Variants in VPS13B observed in about 807,000 individuals in gnomAD.
VPS13B encodes intermembrane lipid transfer protein VPS13B.
Under a neutral mutation model 426.4 loss-of-function variants are expected in VPS13B, and 285 were observed. The observed-to-expected ratio is 0.67, with a 90% CI of 0.61 to 0.74. VPS13B has a LOEUF of 0.74. Among genes scored for constraint, VPS13B ranks in the 30% least tolerant of loss-of-function variants. The pLI is 0.00. For synonymous variants in VPS13B, 1,676 were observed against 1,676.4 expected (o/e 1.00, Z 0.01); for missense variants, 4,537 against 4,782.6 (o/e 0.95, Z 1.51).
chr8:99,411,393 A>G (rs543910230), intron 21 of VPS13B, among the ~76,000 whole-genome samples: 3 of 152,116 alleles, frequency 2.0e-5, no homozygotes, highest in Non-Finnish European at 4.4e-5. Flanking sequence ...TCCTTTGCCC[A>G]CTTTTTGATG....
intron 39 of VPS13B, among the ~76,000 whole-genome samples, chr8:99,754,092 T>TG (rs1264454142): frequency 1.3e-5 from 2 of 151,542 alleles, no homozygotes; most frequent in South Asian, 2.1e-4. Context: ...AGGGTTTTTT[T>TG]TTTTTTTTTT....
intron 35 of VPS13B, among the ~76,000 whole-genome samples, chr8:99,666,133 A>C (rs925142554): frequency 2.1e-4 from 32 of 152,284 alleles, no homozygotes; most frequent in African/African-American, 7.7e-4. Flanking sequence ...GTGTATAAGA[A>C]TGCTTGTGAT....
At chr8:99,323,510 A>G (rs1280955213) in intron 19 of VPS13B, among the ~76,000 whole-genome samples, 1 of 152,204 alleles carries the variant, frequency 6.6e-6, no homozygotes, top group East Asian at 1.9e-4. Context: ...CTTATTAACC[A>G]TCTCAAAGAC....
At chr8:99,028,548 C>T (rs1259776894) in intron 2 of VPS13B, among the ~76,000 whole-genome samples, 18 of 93,724 alleles carry the variant, frequency 1.9e-4, no homozygotes, top group African/African-American at 5.6e-4. Context: ...CCCTCCCGGA[C>T]GGGGCGGCTG....
intron 37 of VPS13B, among the ~76,000 whole-genome samples, chr8:99,719,072 T>C (rs1833033641): frequency 1.3e-5 from 2 of 152,218 alleles, no homozygotes; most frequent in African/African-American, 2.4e-5. Flanking sequence ...TTGGAGATTT[T>C]CAGTATCTAT....
At chr8:99,784,525 C>A in intron 43 of VPS13B, 49 bp downstream of exon 43, 1 of 1,609,632 alleles carries the variant, frequency 6.2e-7, no homozygotes, top group Non-Finnish European at 8.5e-7. Flanking sequence ...GTTGGGGATT[C>A]ATTTCTTCTG....
chr8:99,174,009 A>G (rs1325726628), intron 16 of VPS13B, among the ~76,000 whole-genome samples: 1 of 152,212 alleles, frequency 6.6e-6, no homozygotes, highest in East Asian at 1.9e-4. Context: ...CCACCATTCA[A>G]CTTTCTGTCT....
chr8:99,192,941 C>G lies in VPS13B; in HGVS notation c.2399C>G (p.Ala800Gly). Residue 800 changes from alanine to glycine, a missense_variant, in exon 17 of 62, where the codon GCT (alanine) becomes GGT (glycine). Physicochemically the swap from Ala to Gly is moderately conservative, Grantham distance 60. Transcript: ENST00000357162. ...IFELPNLTIQ[A>G]TRAQTLLLQA... ...GAACTTCCAAATCTCACAATTCAAG[C>G]TACAAGAGCACAGACACTTCTCTTG... is the stretch of plus-strand genomic sequence containing the variant. The G allele has an allele frequency of 6.2e-7, 1 of 1,613,646 alleles. No individual in the cohort carries two copies. The highest frequency in any genetic ancestry group is 2.2e-5 in the East Asian group (1 of 44,806).
chr8:99,088,974 C>G (rs1300499892), intron 3 of VPS13B, among the ~76,000 whole-genome samples: 1 of 152,156 alleles, frequency 6.6e-6, no homozygotes, highest in Non-Finnish European at 1.5e-5. Flanking sequence ...TACTCAATCT[C>G]ACTCTGATTT....
intron 3 of VPS13B, among the ~76,000 whole-genome samples, chr8:99,052,064 T>C (rs1282030144): frequency 6.6e-6 from 1 of 150,664 alleles, no homozygotes; most frequent in East Asian, 1.9e-4. Context: ...CTTCCAACAC[T>C]ATGTTGAATA....
chr8:99,663,584 T>TA (rs1830327999), intron 35 of VPS13B, among the ~76,000 whole-genome samples: 2 of 152,192 alleles, frequency 1.3e-5, no homozygotes, highest in African/African-American at 4.8e-5. Flanking sequence ...GAAAAAAACA[T>TA]ATGCTCTTTA....
intron 44 of VPS13B, 145 bp downstream of exon 44, chr8:99,809,675 C>T: frequency 1.0e-6 from 1 of 980,060 alleles, no homozygotes; most frequent in East Asian, 2.6e-5. Context: ...TTAATAAATG[C>T]TTATCTATGA....
chr8:99,624,094 T>G, intron 33 of VPS13B, among the ~76,000 whole-genome samples: 1 of 149,046 alleles, frequency 6.7e-6, no homozygotes, highest in Non-Finnish European at 1.5e-5. Flanking sequence ...GATAATTCAT[T>G]ATGTGGGTAG....
Position 99,219,645 on chromosome 8 carries a change from C to T in VPS13B, c.2515+26588C>T, listed in dbSNP as rs1048304053. ...AAGAGAGTGAGTGAGTGTGTGTGCA[C>T]GCACACTGGTGAGGGGGGCTAGTCC... On this transcript the variant is annotated intron_variant, in intron 17 of 61. Transcript: ENST00000357162. Among the ~76,000 whole-genome samples the T allele has an allele frequency of 3.3e-5, 5 of 152,146 alleles. No homozygotes were observed. The East Asian group carries it at 5.8e-4, about 18-fold the overall frequency.
Position 99,481,667 on chromosome 8 carries a change from T to C in VPS13B, c.3735T>C (p.Asn1245=). The change falls in exon 25 of 62, where the codon AAT becomes AAC. Residue 1245 remains asparagine, a synonymous_variant. Coordinates refer to ENST00000357162, the MANE Select transcript of VPS13B (RefSeq NM_152564.5). The part of the protein sequence containing the change: ...KVWNKIQKRG[N]LNLSPTSPET... ...GGAACAAGATTCAGAAGAGAGGCAA[T>C]CTCAACCTATCTCCAACCTCTCCAG... is the stretch of plus-strand genomic sequence containing the variant. The C allele has an allele frequency of 6.2e-7, 1 of 1,613,972 alleles. No homozygotes were observed. The highest frequency in any genetic ancestry group is 8.5e-7 in the Non-Finnish European group (1 of 1,179,886).
rs199759678 is a variant in VPS13B, at chr8:99,085,495, G to T, written c.292-10817G>T. Among the ~76,000 whole-genome samples the T allele has an allele frequency of 3.3e-5, 5 of 152,222 alleles. 1 individual carries two copies. The South Asian group carries it at 8.3e-4, about 25-fold the overall frequency. On this transcript the variant is annotated intron_variant, in intron 3 of 61. Coordinates refer to ENST00000357162, the MANE Select transcript of VPS13B (RefSeq NM_152564.5). The stretch of plus-strand genomic sequence containing the variant: ...GTTATGTGTGAATTTGATCCTGTCA[G>T]TATGATGTTAGCTGATTATTTTGTT...
At chr8:99,382,590 G>A (rs1020398571) in intron 19 of VPS13B, among the ~76,000 whole-genome samples, 1 of 152,104 alleles carries the variant, frequency 6.6e-6, no homozygotes, top group African/African-American at 2.4e-5. Context: ...AATGTGAATG[G>A]ATTGCATTCC....
At chr8:99,620,900 C>T (rs1321213113) in intron 33 of VPS13B, among the ~76,000 whole-genome samples, 5 of 148,816 alleles carry the variant, frequency 3.4e-5, no homozygotes, top group South Asian at 2.1e-4. Context: ...GCAGGAGATT[C>T]GCTTGAACCT....
chr8:99,085,106 C>G (rs1845702567), intron 3 of VPS13B, among the ~76,000 whole-genome samples: 2 of 152,134 alleles, frequency 1.3e-5, no homozygotes, highest in African/African-American at 4.8e-5. Context: ...TTGTAGGTCT[C>G]TAAGGACTTG....
Sources: allele counts gnomAD v4.1 joint callset (sites outside exome capture counted in the v4.1 genomes callset), GRCh38; gene constraint gnomAD v4.1.1; transcripts MANE v1.5; gene names NCBI Gene and HGNC (gene_info 2026-07-23, HGNC 2026-07-21).